Variants in STK24 observed in about 807,000 individuals in gnomAD.
The protein encoded by STK24 is serine/threonine-protein kinase 24.
Under a neutral mutation model 55.6 loss-of-function variants are expected in STK24, and 21 were observed. That is an observed-to-expected ratio of 0.38 (90% CI 0.27 to 0.54). The LOEUF is 0.54. STK24 is among the 20% of genes least tolerant of loss of function. The probability of loss-of-function intolerance (pLI) is 0.79; values close to 1 mark genes in which losing one functional copy is unlikely to be tolerated. For synonymous variants in STK24, 200 were observed against 215.2 expected, an observed-to-expected ratio of 0.93 and a Z score of 0.62; for missense variants, 383 against 538.4, an observed-to-expected ratio of 0.71 and a Z score of 2.86.
intron 7 of STK24, 47 bp downstream of exon 7, chr13:98,463,644 C>T (rs749243168): frequency 6.9e-5 from 107 of 1,539,982 alleles, no homozygotes; most frequent in Non-Finnish European, 8.9e-5. Flanking sequence ...CAAAGACCAG[C>T]GGATCCCTCC....
intron 1 of STK24, among the ~76,000 whole-genome samples, chr13:98,535,698 C>T (rs757884488): frequency 1.3e-5 from 2 of 152,114 alleles, no homozygotes; most frequent in Non-Finnish European, 2.9e-5. Context: ...TGAGACAATT[C>T]GGGCACAGAT....
intron 1 of STK24, among the ~76,000 whole-genome samples, chr13:98,539,699 C>T (rs1896833213): frequency 1.3e-5 from 2 of 152,140 alleles, no homozygotes; most frequent in South Asian, 4.1e-4. Context: ...TAAAATTACA[C>T]ATAGGAGAAA....
chr13:98,504,181 C>G (rs966420365), intron 2 of STK24, among the ~76,000 whole-genome samples: 1 of 152,032 alleles, frequency 6.6e-6, no homozygotes, highest in African/African-American at 2.4e-5. Context: ...TCTCTCAACC[C>G]TGCAGCCTAA....
intron 1 of STK24, among the ~76,000 whole-genome samples, chr13:98,522,500 G>A (rs77374220): frequency 0.023 from 3,558 of 152,332 alleles, 58 homozygotes; most frequent in South Asian, 0.05. Context: ...AAAGACTCAC[G>A]TACATGACAG....
At chr13:98,538,029 T>C (rs537870178) in intron 1 of STK24, among the ~76,000 whole-genome samples, 1 of 152,172 alleles carries the variant, frequency 6.6e-6, no homozygotes, top group South Asian at 2.1e-4. Flanking sequence ...ATGTCACTTG[T>C]AGCTTCCACC....
At chr13:98,500,797 T>C (rs1364960804) in intron 2 of STK24, among the ~76,000 whole-genome samples, 1 of 151,400 alleles carries the variant, frequency 6.6e-6, no homozygotes, top group Non-Finnish European at 1.5e-5. Flanking sequence ...TAGGCCCAAC[T>C]TAATAAAATA....
intron 1 of STK24, among the ~76,000 whole-genome samples, chr13:98,530,029 T>C (rs1484082423): frequency 5.3e-5 from 8 of 152,068 alleles, no homozygotes; most frequent in East Asian, 3.9e-4. Context: ...AAAAGGCCAA[T>C]TGCAGGAAAA....
chr13:98,457,406 C>T, intron 9 of STK24, 102 bp from the exon 10 acceptor site: 1 of 1,554,426 alleles, frequency 6.4e-7, no homozygotes, highest in Non-Finnish European at 8.8e-7. Flanking sequence ...CACGACACTA[C>T]CCCAGCCCCA....
At chr13:98,460,268 G>A (rs1893644726) in intron 9 of STK24, 104 bp downstream of exon 9, 3 of 1,102,804 alleles carry the variant, frequency 2.7e-6, no homozygotes, top group Non-Finnish European at 2.7e-6. Flanking sequence ...TTGCCAGCTT[G>A]TCTTAATGTC....
chr13:98,537,269 C>G (rs1425604348), intron 1 of STK24, among the ~76,000 whole-genome samples: 1 of 152,210 alleles, frequency 6.6e-6, no homozygotes, highest in East Asian at 1.9e-4. Flanking sequence ...GCTAAGGACA[C>G]CTGTCTTCGT....
chr13:98,543,086 G>A (rs533336267), intron 1 of STK24: 449 of 920,274 alleles, frequency 4.9e-4, no homozygotes, highest in Admixed American at 6.8e-4. Flanking sequence ...GGGAGAGGCC[G>A]CAGCTCCGCT....
intron 2 of STK24, among the ~76,000 whole-genome samples, chr13:98,495,633 G>A (rs2139332966): frequency 6.6e-6 from 1 of 152,270 alleles, no homozygotes; most frequent in East Asian, 1.9e-4. Flanking sequence ...GTCTTCGGGG[G>A]CTTTCTTCAG....
intron 9 of STK24, among the ~76,000 whole-genome samples, chr13:98,460,003 G>A (rs111876566): frequency 4.6e-5 from 7 of 152,324 alleles, no homozygotes; most frequent in African/African-American, 1.2e-4. Context: ...GGACTCCAGG[G>A]CATCCAACGT....
intron 8 of STK24, 74 bp from the exon 9 acceptor site, chr13:98,460,514 A>G: frequency 7.9e-7 from 1 of 1,264,402 alleles, no homozygotes; most frequent in Non-Finnish European, 1.1e-6. Flanking sequence ...TAAACCTCCC[A>G]CCTGGACTAT....
At chr13:98,550,733 C>T (rs895315727) in intron 1 of STK24, among the ~76,000 whole-genome samples, 45 of 152,270 alleles carry the variant, frequency 3.0e-4, no homozygotes, top group African/African-American at 1.0e-3. Flanking sequence ...TAAAAAAATA[C>T]TCATTTGCAT....
intron 5 of STK24, among the ~76,000 whole-genome samples, chr13:98,470,310 G>A (rs1820892683): frequency 9.7e-6 from 1 of 103,288 alleles, no homozygotes; most frequent in South Asian, 2.6e-4. Context: ...GGGAGTCGGG[G>A]GGGCAAGGGG....
intron 2 of STK24, among the ~76,000 whole-genome samples, chr13:98,499,697 G>A (rs1478801687): frequency 2.0e-5 from 3 of 152,142 alleles, no homozygotes; most frequent in East Asian, 1.9e-4. Context: ...ATCAGTAGCC[G>A]AGGTAAGGAA....
intron 2 of STK24, among the ~76,000 whole-genome samples, chr13:98,507,073 C>T (rs1895709305): frequency 6.6e-6 from 1 of 152,236 alleles, no homozygotes; most frequent in Admixed American, 6.5e-5. Flanking sequence ...GCGGGAGAGC[C>T]AGCGAGGATG....
intron 1 of STK24, among the ~76,000 whole-genome samples, chr13:98,536,703 G>T (rs1489072080): frequency 2.0e-5 from 3 of 152,048 alleles, no homozygotes; most frequent in Non-Finnish European, 4.4e-5. Context: ...GATAAAAGCC[G>T]GCCTCCTAGT....
Sources: gnomAD v4.1 joint callset for allele counts (sites outside exome capture counted in the v4.1 genomes callset) on GRCh38, gnomAD v4.1.1 for gene constraint, MANE v1.5 for transcripts, NCBI Gene and HGNC (gene_info 2026-07-23, HGNC 2026-07-21) for gene names.